The following ACOX3 variants were observed in gnomAD, a reference collection of about 807,000 sequenced individuals.
ACOX3 encodes acyl-CoA oxidase 3, pristanoyl.
Under a neutral mutation model 81.5 loss-of-function variants are expected in ACOX3, and 73 were observed. The ratio of observed to expected loss-of-function variants is 0.90; its 90% CI spans 0.74 to 1.09. The LOEUF (loss-of-function observed/expected upper bound fraction) is 1.09, where lower values mean the gene tolerates loss of function less well. Ranked by LOEUF, ACOX3 falls within the 50% of genes least tolerant of loss-of-function variation. ACOX3 has a pLI of 0.00. For synonymous variants in ACOX3, 387 were observed against 375.1 expected (o/e 1.03, Z -0.37); for missense variants, 947 against 928.0 (o/e 1.02, Z -0.27).
intron 1 of ACOX3, among the ~76,000 whole-genome samples, chr4:8,426,946 T>C (rs577677725): frequency 6.6e-6 from 1 of 152,050 alleles, no homozygotes; most frequent in Non-Finnish European, 1.5e-5. Flanking sequence ...ACGCCCCAAT[T>C]CAGCAGGAAG....
chr4:8,426,939 C>T lies in ACOX3; in HGVS notation c.-14-10404G>A, dbSNP rs1259169664. Among the ~76,000 whole-genome samples, 5 of 152,258 alleles carry T rather than the reference C, an allele frequency of 3.3e-5. No individual in the cohort carries two copies. In the East Asian group the frequency reaches 9.7e-4, roughly 29 times the overall value. ...TCTCAACTGCATGACCTCTACTACG[C>T]CCCAATTCAGCAGGAAGCAGTTACA... is the stretch of plus-strand genomic sequence containing the variant. On this transcript the variant is annotated intron_variant, in intron 1 of 17. Coordinates refer to ENST00000356406, the MANE Select transcript of ACOX3 (RefSeq NM_003501.3).
intron 13 of ACOX3, among the ~76,000 whole-genome samples, chr4:8,387,462 C>T (rs929234542): frequency 4.6e-5 from 7 of 152,338 alleles, no homozygotes; most frequent in Non-Finnish European, 8.8e-5. Flanking sequence ...GACAGGGCGT[C>T]GGGACCCCTC....
At position 8,405,245 on chromosome 4, in the gene ACOX3, C is replaced by T. The variant is rs1371941120; in HGVS notation, c.776+710G>A. Among the ~76,000 whole-genome samples, 1 of 152,244 alleles carries T rather than the reference C, an allele frequency of 6.6e-6. No homozygotes were observed. Among genetic ancestry groups the T allele is most frequent in the East Asian group, 1.9e-4 (1 of 5,202 alleles). On this transcript the variant is annotated intron_variant, in intron 7 of 17. Transcript: ENST00000356406. This position sits in a 1 kb window ranked among gnomAD's most constrained non-coding sequence, Gnocchi z 7.1. ...ACCCCGCCTGCATCCCAGCACAGGC[C>T]TGGGCCTGACACTTCCCACTGCTTC...
intron 1 of ACOX3, among the ~76,000 whole-genome samples, chr4:8,422,673 G>C (rs1366677082): frequency 6.6e-6 from 1 of 152,224 alleles, no homozygotes; most frequent in Non-Finnish European, 1.5e-5. Context: ...AAAGTACTGG[G>C]TCATCAGTTC....
rs200188201 is a variant in ACOX3, at chr4:8,405,913, C to T, written c.776+42G>A. The T allele has an allele frequency of 7.6e-6, 12 of 1,580,740 alleles. No homozygotes were observed. In the African/African-American group the frequency reaches 9.4e-5, roughly 12 times the overall value. The stretch of plus-strand genomic sequence containing the variant: ...GACATGAGCGACAACGCAGCCTGGG[C>T]CTTGGCAGGAAGCTCAGGGCTCAGC... On this transcript the variant is annotated intron_variant, in intron 7 of 17. Coordinates refer to ENST00000356406, the MANE Select transcript of ACOX3 (RefSeq NM_003501.3). This position sits in a 1 kb window ranked among gnomAD's most constrained non-coding sequence, Gnocchi z 7.1.
Position 8,432,032 on chromosome 4 carries a change from T to C in ACOX3, c.-15+8616A>G, listed in dbSNP as rs1031501156. On this transcript the variant is annotated intron_variant, in intron 1 of 17. Coordinates refer to ENST00000356406, the MANE Select transcript of ACOX3 (RefSeq NM_003501.3). The surrounding 1 kb of genome is among the most constrained non-coding windows in gnomAD (Gnocchi z 6.2). Reference sequence around the variant, plus strand: ...TTGGGAAGGGAATGGGTTCTGATGATTCGGCACCAAGAATGATCCATCACA... The same window carrying C: ...TTGGGAAGGGAATGGGTTCTGATGACTCGGCACCAAGAATGATCCATCACA... Among the ~76,000 whole-genome samples the C allele has an allele frequency of 3.9e-5, 6 of 152,140 alleles. No individual in the cohort carries two copies. The highest frequency in any genetic ancestry group is 2.6e-4 in the Admixed American group (4 of 15,282).
Position 8,414,345 on chromosome 4 carries a change from C to T in ACOX3, c.490G>A (p.Gly164Ser), listed in dbSNP as rs768812405. 37 of 1,613,974 alleles carry T rather than the reference C, an allele frequency of 2.3e-5. No individual in the cohort carries two copies. The highest frequency in any genetic ancestry group is 6.7e-5 in the African/African-American group (5 of 74,872). The change falls in exon 5 of 18, where the codon GGC becomes AGC. Residue 164 changes from glycine (G) to serine (S), a missense_variant. Coordinates refer to ENST00000356406, the MANE Select transcript of ACOX3 (RefSeq NM_003501.3). This position sits in a 1 kb window ranked among gnomAD's most constrained non-coding sequence, Gnocchi z 6.1. The stretch of plus-strand genomic sequence containing the variant: ...GTGCGAATGGCCTTGGTATTACTGC[C>T]GTGGCTTAATTCGGTCAGAGCAAAA... Reference protein sequence around the residue: ...GCFALTELSHGSNTKAIRTTA... With the variant: ...GCFALTELSHSSNTKAIRTTA...
chr4:8,416,126 G>T lies in ACOX3; in HGVS notation c.145-127C>A. ...AGTCTGACCCGGAGACACCCAGACA[G>T]AGATATGACTATCATTCCCAATGGA... On this transcript the variant is annotated intron_variant, in intron 2 of 17. Transcript: ENST00000356406. This position sits in a 1 kb window ranked among gnomAD's most constrained non-coding sequence, Gnocchi z 4.2. 9.6e-7 allele frequency: 1 copy of T among 1,037,750 alleles called. No individual in the cohort carries two copies. The highest frequency in any genetic ancestry group is 2.6e-5 in the East Asian group (1 of 39,000). The allele number at this position is 1,037,750 out of a possible 1,614,324, so 64.3% of individuals were successfully genotyped here.
In ACOX3 at chr4:8,414,323, C is replaced by T. The variant is rs151168322; in HGVS notation, c.512G>A (p.Arg171His). 404 of 1,614,052 alleles carry T rather than the reference C, an allele frequency of 2.5e-4. No individual in the cohort carries two copies. The highest frequency in any genetic ancestry group is 3.1e-4 in the Non-Finnish European group (370 of 1,180,006). ...GGCAGGATCGTAGTGGGCAGTTGTG[C>T]GAATGGCCTTGGTATTACTGCCGTG... ...LSHGSNTKAI[R>H]TTAHYDPATE... The change falls in exon 5 of 18, where the codon CGC (arginine) becomes CAC (histidine). Residue 171 changes from arginine (R) to histidine (H), a missense_variant. By Grantham distance (29) the Arg-to-His change is conservative (BLOSUM62 0). Transcript: ENST00000356406. The surrounding 1 kb of genome is among the most constrained non-coding windows in gnomAD (Gnocchi z 6.1).
rs1374108267 is a variant in ACOX3 at position 8,419,400 on chromosome 4, C to T, written c.-14-2865G>A. Among the ~76,000 whole-genome samples the T allele has an allele frequency of 2.0e-5, 3 of 151,164 alleles. No individual in the cohort carries two copies. The highest frequency in any genetic ancestry group is 3.9e-4 in the East Asian group (2 of 5,156). On this transcript the variant is annotated intron_variant, in intron 1 of 17. Coordinates refer to ENST00000356406, the MANE Select transcript of ACOX3 (RefSeq NM_003501.3). This position sits in a 1 kb window ranked among gnomAD's most constrained non-coding sequence, Gnocchi z 4.2. Reference sequence around the variant, plus strand: ...CAGTAGCCTAGATTGCGCCACTGCACTCCAGCCTGGGTGACAGAGTGAAAC... The same window carrying T: ...CAGTAGCCTAGATTGCGCCACTGCATTCCAGCCTGGGTGACAGAGTGAAAC...
the ACOX3 span, chr4:8,357,689 C>T: frequency 1.2e-5 from 3 of 258,340 alleles, no homozygotes; most frequent in Non-Finnish European, 2.3e-5. Context: ...CCTCAACCTA[C>T]TCCACTCTTG....
chr4:8,371,017 C>T (rs1716120732), intron 16 of ACOX3, 23 bp from the exon 17 acceptor site: 4 of 1,609,456 alleles, frequency 2.5e-6, no homozygotes, highest in Non-Finnish European at 3.4e-6. Context: ...AAAGCCCAGA[C>T]ACTTGGCACC....
At position 8,416,013 on chromosome 4, in the gene ACOX3, A is replaced by G. The variant is rs753045953; in HGVS notation, c.145-14T>C. 26 of 1,610,302 alleles carry G rather than the reference A, an allele frequency of 1.6e-5. No individual in the cohort carries two copies. Among genetic ancestry groups the G allele is most frequent in the Non-Finnish European group, 1.5e-5 (18 of 1,176,860 alleles). ...GAAGATGGTTTTCTGGAAATGCAGGAGATGGGTAAGGCTTATTTGGAGTAA... is the reference window on the plus strand; with the variant it reads ...GAAGATGGTTTTCTGGAAATGCAGGGGATGGGTAAGGCTTATTTGGAGTAA... On this transcript the variant is annotated splice_polypyrimidine_tract_variant and intron_variant, in intron 2 of 17. Coordinates refer to ENST00000356406, the MANE Select transcript of ACOX3 (RefSeq NM_003501.3). This position sits in a 1 kb window ranked among gnomAD's most constrained non-coding sequence, Gnocchi z 4.2.
In ACOX3 at chr4:8,385,258, A is replaced by G. The variant is rs1223112676; in HGVS notation, c.1538-3651T>C. On this transcript the variant is annotated intron_variant, in intron 13 of 17. Coordinates refer to ENST00000356406, the MANE Select transcript of ACOX3 (RefSeq NM_003501.3). This position sits in a 1 kb window ranked among gnomAD's most constrained non-coding sequence, Gnocchi z 5.5. ...CATATGACCCCACTGCCCACCTCAC[A>G]TGACCTCACCATGCACTCCACGTGA... 6.6e-6 allele frequency among the ~76,000 whole-genome samples: 1 copy of G among 151,670 alleles called. No homozygotes were observed. Among genetic ancestry groups the G allele is most frequent in the Non-Finnish European group, 1.5e-5 (1 of 67,906 alleles).
At position 8,437,478 on chromosome 4, in the gene ACOX3, C is replaced by T. The variant is rs1032079877; in HGVS notation, c.-15+3170G>A. On this transcript the variant is annotated intron_variant, in intron 1 of 17. Coordinates refer to ENST00000356406, the MANE Select transcript of ACOX3 (RefSeq NM_003501.3). The surrounding 1 kb of genome is among the most constrained non-coding windows in gnomAD (Gnocchi z 5.2). ...GAGACAGCAGTGCGCGGGGGCAGGG[C>T]CTGTGCCACTGCCTGGCCCCGCCAG... is the stretch of plus-strand genomic sequence containing the variant. 6.6e-6 allele frequency among the ~76,000 whole-genome samples: 1 copy of T among 152,164 alleles called. No homozygotes were observed. The highest frequency in any genetic ancestry group is 1.5e-5 in the Non-Finnish European group (1 of 68,042).
intron 6 of ACOX3, among the ~76,000 whole-genome samples, chr4:8,408,762 G>C (rs2108944925): frequency 6.6e-6 from 1 of 152,248 alleles, no homozygotes; most frequent in South Asian, 2.1e-4. Context: ...GATGGTTGCA[G>C]ACCCCTAAAT....
In ACOX3 at chr4:8,373,596, C is replaced by T. The variant is rs780642336; in HGVS notation, c.1861G>A (p.Val621Met). The change falls in exon 16 of 18, where the codon GTG becomes ATG. Residue 621 changes from valine to methionine, a missense_variant. Transcript: ENST00000356406. Reference protein sequence around the residue: ...GYFSGEQAGEVLESAVLALCS... With the variant: ...GYFSGEQAGEMLESAVLALCS... ...AAAGCCAGGACGGCGCTCTCCAACA[C>T]TTCTCCCGCCTGCTCACCGGAGAAG... 3.7e-6 allele frequency: 6 copies of T among 1,613,410 alleles called. No individual in the cohort carries two copies. The highest frequency in any genetic ancestry group is 4.2e-6 in the Non-Finnish European group (5 of 1,179,732).
At chr4:8,375,244 G>T in intron 14 of ACOX3, 92 bp from the exon 15 acceptor site, 1 of 1,281,276 alleles carries the variant, frequency 7.8e-7, no homozygotes, top group Non-Finnish European at 1.1e-6. Flanking sequence ...ACGAACGCGG[G>T]TCTGCGTTCC....
intron 9 of ACOX3, among the ~76,000 whole-genome samples, chr4:8,396,172 C>T (rs555938951): frequency 6.9e-4 from 105 of 152,308 alleles, no homozygotes; most frequent in African/African-American, 2.4e-3. Context: ...TCTGTGCCCA[C>T]GCCACTGTTC....
Sources: allele counts gnomAD v4.1 joint callset (sites outside exome capture counted in the v4.1 genomes callset), GRCh38; gene constraint gnomAD v4.1.1; non-coding constraint Gnocchi (gnomAD v3.1); transcripts MANE v1.5; gene names NCBI Gene and HGNC (gene_info 2026-07-23, HGNC 2026-07-21).